ST3GAL3: variants seen among roughly 807,000 people sequenced by gnomAD.
ST3GAL3 encodes ST3 beta-galactoside alpha-2,3-sialyltransferase 3.
In ST3GAL3, 21 loss-of-function variants were observed where a neutral mutation model predicts 50.1. That is an observed-to-expected ratio of 0.42 (90% CI 0.30 to 0.60). The LOEUF (loss-of-function observed/expected upper bound fraction) is 0.60, where lower values mean the gene tolerates loss of function less well. Among genes scored for constraint, ST3GAL3 ranks in the 20% least tolerant of loss-of-function variants. ST3GAL3 has a pLI of 0.19. For missense variants in ST3GAL3, 353 were observed against 489.4 expected, an observed-to-expected ratio of 0.72 and a Z score of 2.63; for synonymous variants, 183 against 190.0, an observed-to-expected ratio of 0.96 and a Z score of 0.30.
Position 43,920,762 on chromosome 1 carries a change from C to A in ST3GAL3, c.892-20C>A. On this transcript the variant is annotated intron_variant, in intron 10 of 11. Transcript: ENST00000347631. ...GCTGAACTCTGCATGCCTTCTCTCA[C>A]CCCTGCCCCCGTCTTCTAGAACATC... The A allele has an allele frequency of 6.2e-7, 1 of 1,614,188 alleles. No individual in the cohort carries two copies. Among genetic ancestry groups the A allele is most frequent in the Non-Finnish European group, 8.5e-7 (1 of 1,180,018 alleles).
intron 1 of ST3GAL3, chr1:43,719,137 T>C (rs1669018242): frequency 6.6e-6 from 1 of 152,208 alleles, no homozygotes; most frequent in Admixed American, 6.5e-5. Flanking sequence ...CTGGATCCAA[T>C]TAAAAGAGAG....
chr1:43,928,836 G>A (rs1403149481), intron 11 of ST3GAL3, among the ~76,000 whole-genome samples: 1 of 152,148 alleles, frequency 6.6e-6, no homozygotes, highest in African/African-American at 2.4e-5. Flanking sequence ...TTGAACCTGG[G>A]AGGCAGAGGT....
intron 1 of ST3GAL3, chr1:43,720,640 T>A (rs1476907415): frequency 6.6e-6 from 1 of 152,180 alleles, no homozygotes; most frequent in Non-Finnish European, 1.5e-5. Flanking sequence ...AATCCGTTCA[T>A]GAGGGTGGAG....
chr1:43,821,235 G>T (rs1256462580), intron 4 of ST3GAL3, among the ~76,000 whole-genome samples: 1 of 152,120 alleles, frequency 6.6e-6, no homozygotes, highest in Non-Finnish European at 1.5e-5. Context: ...GATAGCATGA[G>T]CAACAGACAA....
intron 1 of ST3GAL3, among the ~76,000 whole-genome samples, chr1:43,715,714 G>A (rs1667065586): frequency 1.3e-5 from 2 of 152,142 alleles, no homozygotes; most frequent in Non-Finnish European, 2.9e-5. Context: ...CCTGAGCCTA[G>A]GAGGTTGAGG....
At position 43,780,960 on chromosome 1, in the gene ST3GAL3, A is replaced by C. The variant is rs143974174; in HGVS notation, c.119-11142A>C. 7.8e-4 allele frequency among the ~76,000 whole-genome samples: 118 copies of C among 152,200 alleles called. 1 individual carries two copies. The East Asian group carries it at 0.022, about 29-fold the overall frequency. On this transcript the variant is annotated intron_variant, in intron 2 of 11. Transcript: ENST00000347631. ...TGTCTGCTCATATTTAGAAACCGGGAATCTTGTTTTTAGTATCATCTTCAT... is the reference window on the plus strand; with the variant it reads ...TGTCTGCTCATATTTAGAAACCGGGCATCTTGTTTTTAGTATCATCTTCAT...
intron 3 of ST3GAL3, among the ~76,000 whole-genome samples, chr1:43,806,219 A>G (rs1368998935): frequency 6.6e-6 from 1 of 152,220 alleles, no homozygotes; most frequent in Admixed American, 6.5e-5. Context: ...TCCTTGTTGT[A>G]CTATAAAAAC....
At chr1:43,764,775 C>T (rs1054507072) in intron 2 of ST3GAL3, among the ~76,000 whole-genome samples, 5 of 152,214 alleles carry the variant, frequency 3.3e-5, no homozygotes, top group Admixed American at 6.5e-5. Context: ...TGGCCGTGGG[C>T]CAGGCAGCGC....
intron 5 of ST3GAL3, among the ~76,000 whole-genome samples, chr1:43,858,719 A>G (rs964249913): frequency 6.6e-6 from 1 of 152,142 alleles, no homozygotes; most frequent in African/African-American, 2.4e-5. Context: ...CTCAGCAGAG[A>G]GCAAGATGCT....
chr1:43,789,996 AC>A (rs2057847160), intron 2 of ST3GAL3, among the ~76,000 whole-genome samples: 1 of 152,008 alleles, frequency 6.6e-6, no homozygotes, highest in South Asian at 2.1e-4. Flanking sequence ...AAAAGTGGCA[AC>A]CCTACCTTTT....
chr1:43,863,505 A>T (rs910228778), intron 5 of ST3GAL3, among the ~76,000 whole-genome samples: 1 of 152,242 alleles, frequency 6.6e-6, no homozygotes, highest in African/African-American at 2.4e-5. Flanking sequence ...CACACAAGTC[A>T]AGTTCAAACA....
chr1:43,780,957 G>A (rs534806828), intron 2 of ST3GAL3, among the ~76,000 whole-genome samples: 6 of 152,228 alleles, frequency 3.9e-5, no homozygotes, highest in South Asian at 2.1e-4. Context: ...TTTAGAAACC[G>A]GGAATCTTGT....
chr1:43,801,915 A>C (rs951971076), intron 3 of ST3GAL3, among the ~76,000 whole-genome samples: 31 of 152,284 alleles, frequency 2.0e-4, no homozygotes, highest in Middle Eastern at 3.4e-3. Context: ...TGGGAGGGTC[A>C]CCTGAGCCCA....
intron 3 of ST3GAL3, chr1:43,801,527 A>G (rs1370545360): frequency 5.5e-6 from 2 of 364,934 alleles, no homozygotes; most frequent in East Asian, 7.3e-5. Flanking sequence ...GGTGCTCCCA[A>G]CTGCACGTCA....
At chr1:43,732,200 G>A (rs143002165) in intron 1 of ST3GAL3, among the ~76,000 whole-genome samples, 8 of 152,044 alleles carry the variant, frequency 5.3e-5, no homozygotes, top group African/African-American at 7.2e-5. Context: ...ATTCACCTTC[G>A]TTTCTTCTGT....
At chr1:43,858,006 G>A (rs1379630428) in intron 5 of ST3GAL3, 5 of 495,118 alleles carry the variant, frequency 1.0e-5, no homozygotes, top group South Asian at 2.0e-5. Context: ...AAAACCAACC[G>A]ATCCCTCTTC....
chr1:43,785,735 A>G (rs1474616941), intron 2 of ST3GAL3, among the ~76,000 whole-genome samples: 2 of 151,892 alleles, frequency 1.3e-5, no homozygotes, highest in East Asian at 1.9e-4. Flanking sequence ...TCTCCTACCA[A>G]TCCCCCAACT....
At chr1:43,792,174 T>G in intron 3 of ST3GAL3, 25 bp downstream of exon 3, 6 of 1,614,204 alleles carry the variant, frequency 3.7e-6, no homozygotes, top group Non-Finnish European at 5.1e-6. Flanking sequence ...CCCTCTATCA[T>G]CTTTTTGGCC....
intron 2 of ST3GAL3, among the ~76,000 whole-genome samples, chr1:43,780,896 T>C (rs552473504): frequency 6.6e-6 from 1 of 152,302 alleles, no homozygotes; most frequent in South Asian, 2.1e-4. Context: ...CCTGTCGTTA[T>C]AGCAAATACT....
Sources: gnomAD v4.1 joint callset for allele counts (sites outside exome capture counted in the v4.1 genomes callset) on GRCh38, gnomAD v4.1.1 for gene constraint, MANE v1.5 for transcripts, NCBI Gene and HGNC (gene_info 2026-07-23, HGNC 2026-07-21) for gene names.